The following MYO1E variants were observed in gnomAD, a reference collection of about 807,000 sequenced individuals.
MYO1E encodes unconventional myosin-Ie.
A neutral mutation model predicts 151.1 loss-of-function variants in MYO1E; 68 were observed. The ratio of observed to expected loss-of-function variants is 0.45; its 90% confidence interval spans 0.37 to 0.55. The LOEUF (loss-of-function observed/expected upper bound fraction) is 0.55, where lower values mean the gene tolerates loss of function less well. MYO1E is among the 20% of genes least tolerant of loss of function. The pLI, the probability that MYO1E is intolerant of heterozygous loss-of-function variation, is 0.00. For missense variants in MYO1E, 1,363 were observed against 1,389.3 expected, an observed-to-expected ratio of 0.98 and a Z score of 0.30; for synonymous variants, 601 against 501.7, an observed-to-expected ratio of 1.20 and a Z score of -2.64.
intron 1 of MYO1E, among the ~76,000 whole-genome samples, chr15:59,308,885 A>G (rs2080532641): frequency 1.3e-5 from 2 of 151,544 alleles, no homozygotes; most frequent in African/African-American, 4.8e-5. Context: ...TTTATTTATT[A>G]TATATTTATA....
At position 59,135,870 on chromosome 15, in the gene MYO1E, A is replaced by T. The variant is rs758371980; in HGVS notation, c.*1510T>A. 11 of 152,204 alleles carry T rather than the reference A, an allele frequency of 7.2e-5. No individual in the cohort carries two copies. Among genetic ancestry groups the T allele is most frequent in the Non-Finnish European group, 1.3e-4 (9 of 68,034 alleles). 9.4% of individuals were successfully genotyped at this position (152,204 alleles called of 1,614,324 possible). A position where few individuals can be genotyped will look rare whatever the true frequency, so the allele number is the denominator to read the frequency against. On this transcript the variant is annotated 3_prime_UTR_variant, in exon 28 of 28. Coordinates refer to ENST00000288235, the MANE Select transcript of MYO1E (RefSeq NM_004998.4). ...AGTCTCTACTTACAACCATTCCATT[A>T]TTGATGGGCATTACACTGATTCCAG...
chr15:59,209,984 G>A (rs1423855252), intron 13 of MYO1E, among the ~76,000 whole-genome samples: 2 of 151,458 alleles, frequency 1.3e-5, no homozygotes, highest in African/African-American at 2.4e-5. Flanking sequence ...ACAGGTGCGT[G>A]CCACCATGCC....
intron 2 of MYO1E, chr15:59,270,845 A>G (rs1238188432): frequency 6.6e-6 from 1 of 152,090 alleles, no homozygotes; most frequent in Non-Finnish European, 1.5e-5. Context: ...TAGTAGAGGT[A>G]GGGTTTCACC....
intron 18 of MYO1E, among the ~76,000 whole-genome samples, chr15:59,182,813 T>G (rs1343889353): frequency 6.6e-6 from 1 of 152,178 alleles, no homozygotes; most frequent in Non-Finnish European, 1.5e-5. Context: ...CATGCACGTA[T>G]CACAGGGTCC....
chr15:59,245,308 C>T (rs2080123111), intron 4 of MYO1E, among the ~76,000 whole-genome samples: 1 of 152,172 alleles, frequency 6.6e-6, no homozygotes, highest in African/African-American at 2.4e-5. Flanking sequence ...GGAATTTTTC[C>T]CTTTTATCTT....
At chr15:59,190,283 T>G (rs1406788435) in intron 17 of MYO1E, among the ~76,000 whole-genome samples, 2 of 152,182 alleles carry the variant, frequency 1.3e-5, no homozygotes, top group Admixed American at 6.5e-5. Flanking sequence ...AGGTAACTCC[T>G]CACACTCCCT....
rs113118892 is a variant in MYO1E at position 59,274,186 on chromosome 15, C to T, written c.4-1737G>A. Among the ~76,000 whole-genome samples the T allele has an allele frequency of 8.1e-3, 1,229 of 152,252 alleles. 7 individuals carry two copies. Among genetic ancestry groups the T allele is most frequent in the Non-Finnish European group, 0.013 (877 of 68,016 alleles). On this transcript the variant is annotated intron_variant, in intron 1 of 27. Coordinates refer to ENST00000288235, the MANE Select transcript of MYO1E (RefSeq NM_004998.4). ...GAAAAGTGTACAGTGTCATGGGCTCCTGCTCTGGAAAGGGATTCTGGAAGG... is the reference window on the plus strand; with the variant it reads ...GAAAAGTGTACAGTGTCATGGGCTCTTGCTCTGGAAAGGGATTCTGGAAGG...
intron 1 of MYO1E, among the ~76,000 whole-genome samples, chr15:59,279,270 T>C (rs1010990105): frequency 1.1e-4 from 17 of 152,126 alleles, no homozygotes; most frequent in Non-Finnish European, 2.4e-4. Context: ...TAGTCAGTGG[T>C]GCCTGGAATC....
intron 1 of MYO1E, among the ~76,000 whole-genome samples, chr15:59,285,619 G>A (rs2080383152): frequency 6.6e-6 from 1 of 151,786 alleles, no homozygotes; most frequent in Non-Finnish European, 1.5e-5. Context: ...CAAGTGCTGG[G>A]ATTACAGGCG....
rs950564676 is a variant in MYO1E, at chr15:59,344,007, C to T, written c.3+28491G>A. The stretch of plus-strand genomic sequence containing the variant: ...TATCTCTGTCTCTCTGGGATTGACC[C>T]CTGGTCAATTTATTTCATTTGGTAA... On this transcript the variant is annotated intron_variant, in intron 1 of 27. Coordinates refer to ENST00000288235, the MANE Select transcript of MYO1E (RefSeq NM_004998.4). 2.0e-5 allele frequency among the ~76,000 whole-genome samples: 3 copies of T among 152,146 alleles called. No individual in the cohort carries two copies. In the East Asian group the frequency reaches 5.8e-4, roughly 29 times the overall value.
chr15:59,227,363 TGG>T, intron 7 of MYO1E, 94 bp downstream of exon 7: 1 of 1,480,742 alleles, frequency 6.8e-7, no homozygotes, highest in South Asian at 1.2e-5. Context: ...CAGTCCTCCC[TGG>T]CTTCCTAGAC....
At chr15:59,256,177 G>A (rs1301714458) in intron 4 of MYO1E, 107 bp downstream of exon 4, 2 of 803,618 alleles carry the variant, frequency 2.5e-6, no homozygotes, top group Non-Finnish European at 4.3e-6. Flanking sequence ...CATTAACCAG[G>A]CTGTGACATC....
At chr15:59,305,768 TA>T (rs2080511188) in intron 1 of MYO1E, among the ~76,000 whole-genome samples, 1 of 152,132 alleles carries the variant, frequency 6.6e-6, no homozygotes, top group East Asian at 1.9e-4. Flanking sequence ...TTACCCAGAA[TA>T]AAAAATTCAT....
At chr15:59,216,800 A>T (rs1280605670) in intron 10 of MYO1E, among the ~76,000 whole-genome samples, 2 of 150,972 alleles carry the variant, frequency 1.3e-5, no homozygotes, top group Non-Finnish European at 3.0e-5. Flanking sequence ...TTCCTCTAAA[A>T]GGTGGAGCCT....
At chr15:59,189,305 T>A (rs941347093) in intron 17 of MYO1E, among the ~76,000 whole-genome samples, 1 of 152,142 alleles carries the variant, frequency 6.6e-6, no homozygotes, top group East Asian at 1.9e-4. Context: ...ATTATCTGCC[T>A]GCTTTAGCCT....
intron 1 of MYO1E, among the ~76,000 whole-genome samples, chr15:59,297,951 G>A (rs1213954200): frequency 6.6e-6 from 1 of 152,118 alleles, no homozygotes; most frequent in Non-Finnish European, 1.5e-5. Flanking sequence ...GAGTTTGCCT[G>A]ATATTTGTCA....
chr15:59,281,961 C>CA (rs377210595), intron 1 of MYO1E, among the ~76,000 whole-genome samples: 7,967 of 117,364 alleles, frequency 0.068, 617 homozygotes, highest in African/African-American at 0.21. Context: ...AGACCCTGTT[C>CA]AAAAAAAAAA....
At chr15:59,255,133 G>C (rs1447030291) in intron 4 of MYO1E, among the ~76,000 whole-genome samples, 1 of 151,200 alleles carries the variant, frequency 6.6e-6, no homozygotes, top group African/African-American at 2.4e-5. Context: ...TGGTTTTTTT[G>C]AGACAGGGTC....
chr15:59,275,341 C>T (rs144581366), intron 1 of MYO1E, among the ~76,000 whole-genome samples: 17 of 152,192 alleles, frequency 1.1e-4, no homozygotes, highest in South Asian at 4.2e-4. Flanking sequence ...TGATTTGATA[C>T]GTTTTTTATA....
Sources: gnomAD v4.1 joint callset for allele counts (sites outside exome capture counted in the v4.1 genomes callset) on GRCh38, gnomAD v4.1.1 for gene constraint, MANE v1.5 for transcripts, NCBI Gene and HGNC (gene_info 2026-07-23, HGNC 2026-07-21) for gene names.